The following ENTREP2 variants were observed in gnomAD, a reference collection of about 807,000 sequenced individuals.
ENTREP2 encodes the protein protein ENTREP2.
chr15:29,582,347 G>A, the ENTREP2 span, among the ~76,000 whole-genome samples: 2 of 151,524 alleles, frequency 1.3e-5, no homozygotes, highest in Non-Finnish European at 2.9e-5. Context: ...ATGTAAAACA[G>A]AAATGAAAGG....
chr15:29,533,002 A>T, the ENTREP2 span, among the ~76,000 whole-genome samples: 3 of 152,202 alleles, frequency 2.0e-5, no homozygotes, highest in Admixed American at 6.5e-5. Context: ...CCTCTACAGG[A>T]GGAAGGGGAA....
the ENTREP2 span, among the ~76,000 whole-genome samples, chr15:29,425,199 G>T: frequency 2.3e-3 from 308 of 133,168 alleles, 2 homozygotes; most frequent in Admixed American, 0.016. Context: ...CAGGTTTTTT[G>T]TTTTTTTTTT....
the ENTREP2 span, among the ~76,000 whole-genome samples, chr15:29,130,269 C>T: frequency 1.6e-3 from 241 of 152,306 alleles, 3 homozygotes; most frequent in East Asian, 0.042. Context: ...TCTTCCTTAG[C>T]CCTCTCATTC....
the ENTREP2 span, among the ~76,000 whole-genome samples, chr15:29,590,992 A>G: frequency 6.6e-6 from 1 of 152,246 alleles, no homozygotes; most frequent in Non-Finnish European, 1.5e-5. Flanking sequence ...CATCTTACAC[A>G]TTAATTAAAC....
chr15:29,314,996 G>A, the ENTREP2 span, among the ~76,000 whole-genome samples: 2 of 152,206 alleles, frequency 1.3e-5, no homozygotes, highest in Non-Finnish European at 2.9e-5. Context: ...AGGTTGCAGT[G>A]AGCCGAGATC....
the ENTREP2 span, among the ~76,000 whole-genome samples, chr15:29,419,361 G>A: frequency 6.6e-6 from 1 of 152,016 alleles, no homozygotes; most frequent in Non-Finnish European, 1.5e-5. Context: ...CTCAACAGAT[G>A]GGTTTAACAG....
At chr15:29,499,410 G>T in the ENTREP2 span, among the ~76,000 whole-genome samples, 6 of 152,078 alleles carry the variant, frequency 3.9e-5, no homozygotes, top group Non-Finnish European at 8.8e-5. Context: ...TTGAGACAGA[G>T]GCTTGCTCTG....
At chr15:29,569,358 A>G in the ENTREP2 span, 18 of 152,272 alleles carry the variant, frequency 1.2e-4, no homozygotes, top group African/African-American at 4.3e-4. Context: ...AAGCCATGCA[A>G]TGAACTTAAA....
the ENTREP2 span, among the ~76,000 whole-genome samples, chr15:29,596,885 G>A: frequency 6.6e-6 from 1 of 152,006 alleles, no homozygotes; most frequent in Non-Finnish European, 1.5e-5. Flanking sequence ...AACTAGGCTG[G>A]TCTTGAACTC....
the ENTREP2 span, among the ~76,000 whole-genome samples, chr15:29,478,701 T>A: frequency 3.4e-5 from 5 of 148,812 alleles, no homozygotes; most frequent in African/African-American, 1.2e-4. Context: ...GGTCAGGAGT[T>A]CAAGACCAGC....
chr15:29,242,179 C>T, the ENTREP2 span, among the ~76,000 whole-genome samples: 4 of 152,262 alleles, frequency 2.6e-5, no homozygotes, highest in African/African-American at 9.6e-5. Flanking sequence ...CCTGCGTCCC[C>T]CTGCCCCCGG....
chr15:29,443,677 G>A, the ENTREP2 span, among the ~76,000 whole-genome samples: 5 of 152,032 alleles, frequency 3.3e-5, no homozygotes, highest in East Asian at 1.9e-4. Context: ...TAGGGTCTGC[G>A]GCCTGGGCTT....
chr15:29,411,716 T>C, the ENTREP2 span, among the ~76,000 whole-genome samples: 1 of 152,256 alleles, frequency 6.6e-6, no homozygotes, highest in African/African-American at 2.4e-5. Context: ...CTCTGTCTTG[T>C]TTAAAAAATT....
the ENTREP2 span, among the ~76,000 whole-genome samples, chr15:29,472,428 AACACACACACACAC>A: frequency 4.8e-3 from 674 of 140,706 alleles, 3 homozygotes; most frequent in Non-Finnish European, 7.1e-3. Flanking sequence ...CACAACACAC[AACACACACACACAC>A]ACACACACAC....
the ENTREP2 span, among the ~76,000 whole-genome samples, chr15:29,149,365 A>C: frequency 2.0e-5 from 3 of 152,240 alleles, no homozygotes; most frequent in African/African-American, 7.2e-5. Context: ...TAATTACAAC[A>C]AATATCACTG....
the ENTREP2 span, among the ~76,000 whole-genome samples, chr15:29,588,140 C>T: frequency 6.6e-6 from 1 of 152,078 alleles, no homozygotes; most frequent in Non-Finnish European, 1.5e-5. Context: ...AAAGAACAAG[C>T]CATTTATATC....
the ENTREP2 span, among the ~76,000 whole-genome samples, chr15:29,657,666 C>T: frequency 5.6e-3 from 846 of 152,078 alleles, 9 homozygotes; most frequent in African/African-American, 0.019. Context: ...GTGCGTTTTA[C>T]AGAGCGCCGA....
the ENTREP2 span, among the ~76,000 whole-genome samples, chr15:29,135,089 T>A: frequency 6.6e-6 from 1 of 152,082 alleles, no homozygotes; most frequent in Non-Finnish European, 1.5e-5. This position sits in a 1 kb window ranked among gnomAD's most constrained non-coding sequence, Gnocchi z 7.4. Context: ...TGCTTGTTGC[T>A]TGGGCTCAGA....
At chr15:29,179,330 T>C in the ENTREP2 span, among the ~76,000 whole-genome samples, 1 of 152,234 alleles carries the variant, frequency 6.6e-6, no homozygotes, top group Non-Finnish European at 1.5e-5. Flanking sequence ...TGCAAATTCC[T>C]TTTTTTCTGC....
Sources: allele counts gnomAD v4.1 joint callset (sites outside exome capture counted in the v4.1 genomes callset), GRCh38; gene constraint gnomAD v4.1.1; non-coding constraint Gnocchi (gnomAD v3.1); transcripts MANE v1.5; gene names NCBI Gene and HGNC (gene_info 2026-07-23, HGNC 2026-07-21).